The following NID1 variants were observed in gnomAD, a reference collection of about 807,000 sequenced individuals.
NID1 encodes the protein nidogen 1.
A neutral mutation model predicts 130.6 loss-of-function variants in NID1; 76 were observed. The ratio of observed to expected loss-of-function variants is 0.58; its 90% CI spans 0.48 to 0.70. The LOEUF (loss-of-function observed/expected upper bound fraction) is 0.70, where lower values mean the gene tolerates loss of function less well. Ranked by LOEUF, NID1 falls within the 30% of genes least tolerant of loss-of-function variation. The pLI is 0.00. For missense variants in NID1, 1,517 were observed against 1,664.8 expected (o/e 0.91, Z 1.54); for synonymous variants, 665 against 675.1 (o/e 0.98, Z 0.23).
At chr1:236,052,647 G>A (rs1379262076) in intron 1 of NID1, among the ~76,000 whole-genome samples, 1 of 152,200 alleles carries the variant, frequency 6.6e-6, no homozygotes, top group Non-Finnish European at 1.5e-5. Flanking sequence ...TCTGTGTGGG[G>A]TGTCCGTGTT....
rs377512998 is a variant in NID1 at position 236,065,047 on chromosome 1, C to T, written c.33G>A (p.Ala11=). The T allele has an allele frequency of 1.3e-6, 2 of 1,554,036 alleles. No individual in the cohort carries two copies. The highest frequency in any genetic ancestry group is 8.7e-7 in the Non-Finnish European group (1 of 1,148,942). MLASSSRIRA[A]WTRALLLPLL... is the part of the protein sequence containing the mutation. ...GCGGCAGCAGCAGCGCCCGCGTCCA[C>T]GCAGCCCGGATCCGGCTGCTCGAGG... is the stretch of plus-strand genomic sequence containing the variant. The change falls in exon 1 of 20, where the codon GCG becomes GCA. Residue 11 remains alanine, a synonymous_variant. Coordinates refer to ENST00000264187, the MANE Select transcript of NID1 (RefSeq NM_002508.3). The surrounding 1 kb of genome is among the most constrained non-coding windows in gnomAD (Gnocchi z 4.1).
intron 12 of NID1, among the ~76,000 whole-genome samples, chr1:236,011,563 A>G (rs1167142171): frequency 6.6e-6 from 1 of 152,126 alleles, no homozygotes; most frequent in Admixed American, 6.6e-5. Context: ...TCGGCCTCCT[A>G]AAGTATTGGG....
intron 12 of NID1, among the ~76,000 whole-genome samples, chr1:236,005,047 G>T (rs185781609): frequency 5.9e-5 from 9 of 151,856 alleles, no homozygotes; most frequent in East Asian, 3.9e-4. Flanking sequence ...GGTGGCGTGC[G>T]CCTGAGTCAC....
intron 12 of NID1, among the ~76,000 whole-genome samples, chr1:236,011,281 G>A (rs1288046148): frequency 6.6e-6 from 1 of 151,080 alleles, no homozygotes; most frequent in Admixed American, 6.6e-5. Context: ...TCCAGTCTAA[G>A]GTGTCAAATA....
intron 12 of NID1, among the ~76,000 whole-genome samples, chr1:236,005,901 C>T (rs1453962496): frequency 1.3e-5 from 2 of 152,168 alleles, no homozygotes; most frequent in African/African-American, 4.8e-5. Context: ...GTAACAGGAA[C>T]CACTCTGACT....
At chr1:236,013,255 A>G (rs1658484231) in intron 11 of NID1, among the ~76,000 whole-genome samples, 156 bp downstream of exon 11, 1 of 152,230 alleles carries the variant, frequency 6.6e-6, no homozygotes, top group African/African-American at 2.4e-5. Flanking sequence ...AGTTCAAACT[A>G]CTAGAGAGAT....
intron 1 of NID1, among the ~76,000 whole-genome samples, chr1:236,053,965 A>G (rs1183218045): frequency 1.3e-5 from 2 of 152,248 alleles, no homozygotes; most frequent in African/African-American, 4.8e-5. Context: ...ACTTGAATTC[A>G]GTCATGTCTC....
chr1:235,976,075 C>A lies in NID1; in HGVS notation c.*1792G>T, dbSNP rs887945162. 2 of 152,272 alleles carry A rather than the reference C, an allele frequency of 1.3e-5. No individual in the cohort carries two copies. The highest frequency in any genetic ancestry group is 2.9e-5 in the Non-Finnish European group (2 of 68,002). 9.4% of individuals were successfully genotyped at this position (152,272 alleles called of 1,614,324 possible). A position where few individuals can be genotyped will look rare whatever the true frequency, so the allele number is the denominator to read the frequency against. The stretch of plus-strand genomic sequence containing the variant: ...AGGGTTTAATATGAAACGATAAATA[C>A]AAAAAGTGAGACTAATTTATGGATT... On this transcript the variant is annotated 3_prime_UTR_variant, in exon 20 of 20. Coordinates refer to ENST00000264187, the MANE Select transcript of NID1 (RefSeq NM_002508.3).
rs1014532385 is a variant in NID1, at chr1:236,062,805, C to T, written c.225+2050G>A. Among the ~76,000 whole-genome samples the T allele has an allele frequency of 3.9e-5, 6 of 152,072 alleles. No individual in the cohort carries two copies. In the South Asian group the frequency reaches 6.2e-4, roughly 16 times the overall value. On this transcript the variant is annotated intron_variant, in intron 1 of 19. Coordinates refer to ENST00000264187, the MANE Select transcript of NID1 (RefSeq NM_002508.3). ...TTGCTCATGATCTTCAAAGTTCAAT[C>T]GTTACCTGAACTGCCCTTGGATCCA... is the stretch of plus-strand genomic sequence containing the variant.
intron 3 of NID1, 70 bp from the exon 4 acceptor site, chr1:236,042,362 G>A: frequency 1.9e-6 from 3 of 1,542,372 alleles, no homozygotes; most frequent in Non-Finnish European, 2.6e-6. Flanking sequence ...CCCAAGCAGA[G>A]GGAGCCCTGA....
At chr1:236,030,820 T>C (rs995310480) in intron 6 of NID1, among the ~76,000 whole-genome samples, 1 of 152,164 alleles carries the variant, frequency 6.6e-6, no homozygotes, top group Non-Finnish European at 1.5e-5. Flanking sequence ...CTGTCAGGAA[T>C]TTGCAAAGAC....
intron 7 of NID1, among the ~76,000 whole-genome samples, chr1:236,027,113 G>A (rs1658957588): frequency 6.6e-6 from 1 of 152,148 alleles, no homozygotes; most frequent in Non-Finnish European, 1.5e-5. Context: ...GATATTAAAT[G>A]AGTTTCAGTA....
In NID1 at chr1:235,979,177, C is replaced by A. The variant is rs1435101958; in HGVS notation, c.3510-70G>T. On this transcript the variant is annotated intron_variant, in intron 18 of 19. Coordinates refer to ENST00000264187, the MANE Select transcript of NID1 (RefSeq NM_002508.3). This position sits in a 1 kb window ranked among gnomAD's most constrained non-coding sequence, Gnocchi z 4.6. ...TTGAACTTGTATCTAAACAAGGCAG[C>A]CTCTTTGTCATTTTGAGGATAAACT... The A allele has an allele frequency of 1.0e-6, 1 of 979,820 alleles. No individual in the cohort carries two copies. The highest frequency in any genetic ancestry group is 1.6e-6 in the Non-Finnish European group (1 of 617,632). The allele number at this position is 979,820 out of a possible 1,614,324, so 60.7% of individuals were successfully genotyped here. A position where few individuals can be genotyped will look rare whatever the true frequency, so the allele number is the denominator to read the frequency against.
rs529880229 is a variant in NID1, at chr1:235,993,748, G to C, written c.2652C>G (p.Tyr884Ter). ...FVPECDAHGH[Y>*]APTQCHGSTG... Reference sequence around the variant, plus strand: ...TGCTGCCGTGGCACTGGGTGGGCGCGTAGTGCCCGTGCGCATCGCACTCAG... The same window carrying C: ...TGCTGCCGTGGCACTGGGTGGGCGCCTAGTGCCCGTGCGCATCGCACTCAG... The change falls in exon 13 of 20, where the codon TAC (tyrosine) becomes TAG (stop). Residue 884 changes from tyrosine to a stop codon, truncating the protein, a stop_gained. Coordinates refer to ENST00000264187, the MANE Select transcript of NID1 (RefSeq NM_002508.3). LOFTEE classifies it high-confidence loss of function. 1.2e-6 allele frequency: 2 copies of C among 1,613,468 alleles called. No homozygotes were observed. Among genetic ancestry groups the C allele is most frequent in the Admixed American group, 1.7e-5 (1 of 59,992 alleles).
chr1:236,054,596 T>C (rs528273597), intron 1 of NID1, among the ~76,000 whole-genome samples: 2 of 152,312 alleles, frequency 1.3e-5, no homozygotes, highest in South Asian at 4.1e-4. Flanking sequence ...TAAGGAATTA[T>C]TATCATTTCT....
At position 236,013,422 on chromosome 1, in the gene NID1, T is replaced by C. The variant is rs1473850690; in HGVS notation, c.2393A>G (p.Gln798Arg). Residue 798 changes from glutamine to arginine, a missense_variant, in exon 11 of 20, where the codon CAA (glutamine) becomes CGA (arginine). By Grantham distance (43) the Gln-to-Arg change is conservative. Around this residue, in one of 3 missense-constraint regions of NID1, gnomAD observed 1,329 missense variants for 1,429.2 expected, o/e 0.93. Transcript: ENST00000264187. ...GAGCAACCACACACCTTGGCAGGCT[T>C]GGCCATCCCCAGAAAAGCCTGGCAA... ...SCLPGFSGDGQACQDVDECQP... is the reference protein window; with the variant it reads ...SCLPGFSGDGRACQDVDECQP... 3 of 1,613,866 alleles carry C rather than the reference T, an allele frequency of 1.9e-6. No homozygotes were observed.
At chr1:236,020,162 C>A (rs574866670) in intron 9 of NID1, among the ~76,000 whole-genome samples, 147 of 151,548 alleles carry the variant, frequency 9.7e-4, no homozygotes, top group Admixed American at 2.7e-3. Context: ...ACCACAGTAT[C>A]TGCTAGAAAA....
rs759260337 is a variant in NID1, at chr1:236,013,454, A to G, written c.2361T>C (p.Cys787=). The G allele has an allele frequency of 1.2e-6, 2 of 1,614,072 alleles. No individual in the cohort carries two copies. The highest frequency in any genetic ancestry group is 1.7e-5 in the Admixed American group (1 of 60,014). The change falls in exon 11 of 20, where the codon TGT becomes TGC. Residue 787 remains cysteine (C), a synonymous_variant. Coordinates refer to ENST00000264187, the MANE Select transcript of NID1 (RefSeq NM_002508.3). ...CIYTGGSSYT[C]SCLPGFSGDG... is the part of the protein sequence containing the mutation. ...CCCCAGAAAAGCCTGGCAAGCAGGA[A>G]CAGGTGTAGGAGGAGCCTCCTGTGT...
At chr1:236,053,930 A>G (rs2102849465) in intron 1 of NID1, among the ~76,000 whole-genome samples, 1 of 152,316 alleles carries the variant, frequency 6.6e-6, no homozygotes. Flanking sequence ...CCAATTACTA[A>G]AATAAAATAA....
Sources: gnomAD v4.1 joint callset for allele counts (sites outside exome capture counted in the v4.1 genomes callset) on GRCh38, gnomAD v4.1.1 for gene constraint, gnomAD v4.1.1 regional missense constraint, Gnocchi (gnomAD v3.1) non-coding constraint, MANE v1.5 for transcripts, NCBI Gene and HGNC (gene_info 2026-07-23, HGNC 2026-07-21) for gene names.